Variants in DEXI observed in about 807,000 individuals in gnomAD.
The protein encoded by DEXI is Dexi homolog.
In DEXI, 2 loss-of-function variants were observed where a neutral mutation model predicts 2.5. The observed-to-expected ratio is 0.81, with a 90% CI of 0.33 to 2.55. The LOEUF is 2.55. Ranked by LOEUF, DEXI falls within the 30% of genes most tolerant of loss-of-function variation. The pLI, the probability that DEXI is intolerant of heterozygous loss-of-function variation, is 0.11. For synonymous variants in DEXI, 71 were observed against 68.7 expected, an observed-to-expected ratio of 1.03 and a Z score of -0.17; for missense variants, 108 against 130.3, an observed-to-expected ratio of 0.83 and a Z score of 0.83.
At position 10,929,064 on chromosome 16, in the gene DEXI, G is replaced by T; in HGVS notation, c.*645C>A. ...ATGTCTGTTTTGCCAACTTGCTGAA[G>T]AACGAGTAACCTGAAATGAAGGAGC... On this transcript the variant is annotated 3_prime_UTR_variant, in exon 2 of 2. Transcript: ENST00000331808. This position sits in a 1 kb window ranked among gnomAD's most constrained non-coding sequence, Gnocchi z 4.3. The T allele has an allele frequency of 3.1e-6, 1 of 326,320 alleles. No individual in the cohort carries two copies. The highest frequency in any genetic ancestry group is 4.4e-6 in the Non-Finnish European group (1 of 227,138). 20.2% of individuals were successfully genotyped at this position (326,320 alleles called of 1,614,324 possible).
At chr16:10,936,710 C>G (rs1393700193) in intron 1 of DEXI, 4 of 152,196 alleles carry the variant, frequency 2.6e-5, no homozygotes, top group African/African-American at 9.7e-5. Flanking sequence ...GGATGGGGAG[C>G]CCTCACTGGA....
chr16:10,939,967 TGGCA>T lies in DEXI; in HGVS notation c.*149+1598_*149+1601del, dbSNP rs1044780413. 35 of 152,540 alleles carry T rather than the reference TGGCA, an allele frequency of 2.3e-4. No homozygotes were observed. Among genetic ancestry groups the T allele is most frequent in the African/African-American group, 5.3e-4 (22 of 41,566 alleles). The allele number at this position is 152,540 out of a possible 1,614,324, so 9.4% of individuals were successfully genotyped here. ...TTCTGTAAAAGAACGGACGGATGGA[TGGCA>T]GGCAGGCAGGCAGGCTGGGGAGGTG... is the stretch of plus-strand genomic sequence containing the variant. On this transcript the variant is annotated intron_variant, in intron 1 of 1. Transcript: ENST00000331808. The surrounding 1 kb of genome is among the most constrained non-coding windows in gnomAD (Gnocchi z 4.9).
chr16:10,937,722 ACT>A lies in DEXI; in HGVS notation c.*149+3845_*149+3846del, dbSNP rs1321037691. On this transcript the variant is annotated intron_variant, in intron 1 of 1. Transcript: ENST00000331808. The surrounding 1 kb of genome is among the most constrained non-coding windows in gnomAD (Gnocchi z 4.2). Reference sequence around the variant, plus strand: ...GCACCAGAACTGCTGGGACGTGAAGACTCTCCCTGGCTCCCAGGCCAGCCACT... The same window carrying A: ...GCACCAGAACTGCTGGGACGTGAAGACTCCCTGGCTCCCAGGCCAGCCACT... 1 of 152,092 alleles carries A rather than the reference ACT, an allele frequency of 6.6e-6. No individual in the cohort carries two copies. The highest frequency in any genetic ancestry group is 1.5e-5 in the Non-Finnish European group (1 of 68,044). The allele number at this position is 152,092 out of a possible 1,614,324, so 9.4% of individuals were successfully genotyped here. A position where few individuals can be genotyped will look rare whatever the true frequency, so the allele number is the denominator to read the frequency against.
Position 10,941,700 on chromosome 16 carries a change from G to A in DEXI, c.*18C>T. 6.3e-7 allele frequency: 1 copy of A among 1,592,884 alleles called. No homozygotes were observed. The highest frequency in any genetic ancestry group is 8.6e-7 in the Non-Finnish European group (1 of 1,168,520). ...GGTTGCGGATCGTGTAGGGAAGAGG[G>A]GAACAGCAGTCGAGACCCTACTCCA... On this transcript the variant is annotated 3_prime_UTR_variant, in exon 1 of 2. Transcript: ENST00000331808. The surrounding 1 kb of genome is among the most constrained non-coding windows in gnomAD (Gnocchi z 6.4).
chr16:10,940,061 C>G lies in DEXI; in HGVS notation c.*149+1508G>C, dbSNP rs1002778674. ...CTCGCTAAGATGTTACTGAGCTCAA[C>G]TGAAGCTTTTTCTTCAAAGAAATCT... On this transcript the variant is annotated intron_variant, in intron 1 of 1. Transcript: ENST00000331808. This position sits in a 1 kb window ranked among gnomAD's most constrained non-coding sequence, Gnocchi z 4.2. 6.6e-6 allele frequency: 1 copy of G among 152,260 alleles called. No individual in the cohort carries two copies. The highest frequency in any genetic ancestry group is 1.5e-5 in the Non-Finnish European group (1 of 68,050). 9.4% of individuals were successfully genotyped at this position (152,260 alleles called of 1,614,324 possible).
rs2041112614 is a variant in DEXI, at chr16:10,942,277, C to T, written c.-272G>A. The T allele has an allele frequency of 6.1e-6, 2 of 328,194 alleles. No homozygotes were observed. Among genetic ancestry groups the T allele is most frequent in the South Asian group, 8.6e-5 (2 of 23,218 alleles). The allele number at this position is 328,194 out of a possible 1,614,324, so 20.3% of individuals were successfully genotyped here. ...TGAAGTGGCCCGCGGCTGCCCGGCT[C>T]CCTCGTGGCGCCTCCCTGGCGCTCG... On this transcript the variant is annotated 5_prime_UTR_variant, in exon 1 of 2. Transcript: ENST00000331808. The surrounding 1 kb of genome is among the most constrained non-coding windows in gnomAD (Gnocchi z 5.0).
chr16:10,935,293 C>T (rs535042353), intron 1 of DEXI: 11 of 152,338 alleles, frequency 7.2e-5, no homozygotes, highest in African/African-American at 2.4e-4. Flanking sequence ...AGTTTTTGGT[C>T]AATCCTTATG....
chr16:10,929,219 C>T lies in DEXI; in HGVS notation c.*490G>A, dbSNP rs958437097. ...GCTGGCCTGAAGGCTCAACTCACAT[C>T]AAACGGAGCTGGGAGTCGCTTTTGC... is the stretch of plus-strand genomic sequence containing the variant. On this transcript the variant is annotated 3_prime_UTR_variant, in exon 2 of 2. Coordinates refer to ENST00000331808, the MANE Select transcript of DEXI (RefSeq NM_014015.4). This position sits in a 1 kb window ranked among gnomAD's most constrained non-coding sequence, Gnocchi z 4.3. 7 of 985,762 alleles carry T rather than the reference C, an allele frequency of 7.1e-6. No individual in the cohort carries two copies. Among genetic ancestry groups the T allele is most frequent in the Non-Finnish European group, 8.4e-6 (7 of 829,954 alleles). 61.1% of individuals were successfully genotyped at this position (985,762 alleles called of 1,614,324 possible). A position where few individuals can be genotyped will look rare whatever the true frequency, so the allele number is the denominator to read the frequency against.
rs1482637073 is a variant in DEXI, at chr16:10,942,027, G to A, written c.-22C>T. 7 of 1,392,766 alleles carry A rather than the reference G, an allele frequency of 5.0e-6. No individual in the cohort carries two copies. Among genetic ancestry groups the A allele is most frequent in the African/African-American group, 1.5e-5 (1 of 66,002 alleles). 86.3% of individuals were successfully genotyped at this position (1,392,766 alleles called of 1,614,324 possible). The stretch of plus-strand genomic sequence containing the variant: ...GCATGCAGCGGGTGGCAAGGGCGGC[G>A]GCCCGGCGATCCCGGCGAACTCAGC... On this transcript the variant is annotated 5_prime_UTR_variant, in exon 1 of 2. Transcript: ENST00000331808. This position sits in a 1 kb window ranked among gnomAD's most constrained non-coding sequence, Gnocchi z 5.0.
At position 10,941,480 on chromosome 16, in the gene DEXI, G is replaced by A; in HGVS notation, c.*149+89C>T. 6 of 1,274,552 alleles carry A rather than the reference G, an allele frequency of 4.7e-6. No individual in the cohort carries two copies. Among genetic ancestry groups the A allele is most frequent in the Non-Finnish European group, 6.1e-6 (6 of 984,436 alleles). The allele number at this position is 1,274,552 out of a possible 1,614,324, so 79.0% of individuals were successfully genotyped here. The stretch of plus-strand genomic sequence containing the variant: ...GGAGGTGAACGGAGGAGAAGCCTGA[G>A]GGAGGGGTGTGTATCCGGCCTGGGA... On this transcript the variant is annotated intron_variant, in intron 1 of 1. Coordinates refer to ENST00000331808, the MANE Select transcript of DEXI (RefSeq NM_014015.4). This position sits in a 1 kb window ranked among gnomAD's most constrained non-coding sequence, Gnocchi z 6.4.
At chr16:10,936,115 C>T (rs1050490456) in intron 1 of DEXI, 9 of 151,998 alleles carry the variant, frequency 5.9e-5, no homozygotes, top group East Asian at 1.9e-4. Context: ...CTGAGCCTTC[C>T]GAGTAACTGG....
chr16:10,941,504 G>T lies in DEXI; in HGVS notation c.*149+65C>A. 1 of 1,371,920 alleles carries T rather than the reference G, an allele frequency of 7.3e-7. No homozygotes were observed. The highest frequency in any genetic ancestry group is 9.5e-7 in the Non-Finnish European group (1 of 1,057,596). The allele number at this position is 1,371,920 out of a possible 1,614,324, so 85.0% of individuals were successfully genotyped here. A position where few individuals can be genotyped will look rare whatever the true frequency, so the allele number is the denominator to read the frequency against. ...AGGGAGGGGTGTGTATCCGGCCTGGGAATTCCTCCCTCTCCCTTGCTAGCG... is the reference window on the plus strand; with the variant it reads ...AGGGAGGGGTGTGTATCCGGCCTGGTAATTCCTCCCTCTCCCTTGCTAGCG... On this transcript the variant is annotated intron_variant, in intron 1 of 1. Coordinates refer to ENST00000331808, the MANE Select transcript of DEXI (RefSeq NM_014015.4). The surrounding 1 kb of genome is among the most constrained non-coding windows in gnomAD (Gnocchi z 6.4).
At position 10,929,326 on chromosome 16, in the gene DEXI, A is replaced by C; in HGVS notation, c.*383T>G. On this transcript the variant is annotated 3_prime_UTR_variant, in exon 2 of 2. Transcript: ENST00000331808. The surrounding 1 kb of genome is among the most constrained non-coding windows in gnomAD (Gnocchi z 4.3). The stretch of plus-strand genomic sequence containing the variant: ...CTCCGGGATGAAGTGCAGGGAGGCA[A>C]ACTCTGGCTGGGTTCCTGTAAACAT... The C allele has an allele frequency of 1.0e-6, 1 of 985,930 alleles. No individual in the cohort carries two copies. The highest frequency in any genetic ancestry group is 1.2e-6 in the Non-Finnish European group (1 of 829,966). The allele number at this position is 985,930 out of a possible 1,614,324, so 61.1% of individuals were successfully genotyped here.
At chr16:10,931,296 GA>G (rs910487748) in intron 1 of DEXI, 7 of 152,826 alleles carry the variant, frequency 4.6e-5, no homozygotes, top group Non-Finnish European at 1.0e-4. Flanking sequence ...GGGTGACAGA[GA>G]CCCTGTCTCA....
rs1393099643 is a variant in DEXI, at chr16:10,939,511, A to G, written c.*149+2058T>C. ...TGGGCCTCCTTTTGGTTGCGGAAAA[A>G]CCAACTCTCTCTCACCTGAAGGTCT... is the stretch of plus-strand genomic sequence containing the variant. On this transcript the variant is annotated intron_variant, in intron 1 of 1. Coordinates refer to ENST00000331808, the MANE Select transcript of DEXI (RefSeq NM_014015.4). This position sits in a 1 kb window ranked among gnomAD's most constrained non-coding sequence, Gnocchi z 4.9. The G allele has an allele frequency of 6.6e-6, 1 of 152,142 alleles. No homozygotes were observed. The highest frequency in any genetic ancestry group is 1.5e-5 in the Non-Finnish European group (1 of 68,084). The allele number at this position is 152,142 out of a possible 1,614,324, so 9.4% of individuals were successfully genotyped here.
chr16:10,936,723 C>A (rs1330992099), intron 1 of DEXI: 1 of 152,214 alleles, frequency 6.6e-6, no homozygotes, highest in East Asian at 1.9e-4. Context: ...TCACTGGAGG[C>A]ACCCCTCAAA....
In DEXI at chr16:10,937,166, C is replaced by A. The variant is rs2041040236; in HGVS notation, c.*149+4403G>T. ...AATGTACCCTATGGCCAAGGACCTT[C>A]TGGGTGAGCCTCATGTCAGGAGCAG... On this transcript the variant is annotated intron_variant, in intron 1 of 1. Transcript: ENST00000331808. The surrounding 1 kb of genome is among the most constrained non-coding windows in gnomAD (Gnocchi z 4.2). 1 of 152,316 alleles carries A rather than the reference C, an allele frequency of 6.6e-6. No homozygotes were observed. 9.4% of individuals were successfully genotyped at this position (152,316 alleles called of 1,614,324 possible). A position where few individuals can be genotyped will look rare whatever the true frequency, so the allele number is the denominator to read the frequency against.
At position 10,934,002 on chromosome 16, in the gene DEXI, T is replaced by A. The variant is rs2040912420; in HGVS notation, c.*150-4443A>T. The stretch of plus-strand genomic sequence containing the variant: ...CTGCCTGTCTCTGCACAGGTCCATG[T>A]CCCTGAGGAAAGCCAACGTCACAGA... On this transcript the variant is annotated intron_variant, in intron 1 of 1. Coordinates refer to ENST00000331808, the MANE Select transcript of DEXI (RefSeq NM_014015.4). This position sits in a 1 kb window ranked among gnomAD's most constrained non-coding sequence, Gnocchi z 4.2. 1 of 152,174 alleles carries A rather than the reference T, an allele frequency of 6.6e-6. No individual in the cohort carries two copies. Among genetic ancestry groups the A allele is most frequent in the Non-Finnish European group, 1.5e-5 (1 of 68,038 alleles). The allele number at this position is 152,174 out of a possible 1,614,324, so 9.4% of individuals were successfully genotyped here.
At position 10,941,768 on chromosome 16, in the gene DEXI, G is replaced by A; in HGVS notation, c.238C>T (p.Leu80Phe). 6.2e-7 allele frequency: 1 copy of A among 1,613,520 alleles called. No homozygotes were observed. Among genetic ancestry groups the A allele is most frequent in the East Asian group, 2.2e-5 (1 of 44,874 alleles). Residue 80 changes from leucine (L) to phenylalanine (F), a missense_variant, in exon 1 of 2, where the codon CTT (leucine) becomes TTT (phenylalanine). Coordinates refer to ENST00000331808, the MANE Select transcript of DEXI (RefSeq NM_014015.4). This position sits in a 1 kb window ranked among gnomAD's most constrained non-coding sequence, Gnocchi z 6.4. ...TCGAGCTCCGAGTCAGCATCGTAAA[G>A]GCCCGAGCCGGGGTCGGAGAGCACG... ...LGVLSDPGSGLYDADSELDVF... is the reference protein window; with the variant it reads ...LGVLSDPGSGFYDADSELDVF...
Sources: gnomAD v4.1 joint callset for allele counts on GRCh38, gnomAD v4.1.1 for gene constraint, Gnocchi (gnomAD v3.1) non-coding constraint, MANE v1.5 for transcripts, NCBI Gene and HGNC (gene_info 2026-07-23, HGNC 2026-07-21) for gene names.